Variants in TMEM50A observed in about 807,000 individuals in gnomAD.
The protein encoded by TMEM50A is transmembrane protein 50A, also known as cervical cancer oncogene 9.
TMEM50A carries 8 observed loss-of-function variants against 23.9 expected under a neutral mutation model. That is an observed-to-expected ratio of 0.33 (90% confidence interval 0.20 to 0.60). The LOEUF (loss-of-function observed/expected upper bound fraction) is 0.60, where lower values mean the gene tolerates loss of function less well. Among genes scored for constraint, TMEM50A ranks in the 20% least tolerant of loss-of-function variants. TMEM50A has a pLI of 0.81. For missense variants in TMEM50A, 178 were observed against 192.7 expected (o/e 0.92, Z 0.45); for synonymous variants, 55 against 60.4 (o/e 0.91, Z 0.41).
At position 25,345,617 on chromosome 1, in the gene TMEM50A, G is replaced by A. The variant is rs544393978; in HGVS notation, c.206+2544G>A. Among the ~76,000 whole-genome samples the A allele has an allele frequency of 1.1e-4, 16 of 150,462 alleles. 1 individual carries two copies. In the South Asian group the frequency reaches 1.7e-3, roughly 16 times the overall value. Reference sequence around the variant, plus strand: ...ATAAATTAGCCAGGCACGGTGTTGCGTGCCTGTAGTCCCAGCTACTCGGGA... The same window carrying A: ...ATAAATTAGCCAGGCACGGTGTTGCATGCCTGTAGTCCCAGCTACTCGGGA... On this transcript the variant is annotated intron_variant, in intron 3 of 6. Transcript: ENST00000374358.
At chr1:25,344,734 G>A (rs1645196867) in intron 3 of TMEM50A, among the ~76,000 whole-genome samples, 1 of 150,796 alleles carries the variant, frequency 6.6e-6, no homozygotes, top group African/African-American at 2.4e-5. Context: ...TTTTTTTTTG[G>A]TGGTTGTTGG....
chr1:25,360,561 C>T, intron 6 of TMEM50A, 99 bp from the exon 7 acceptor site: 1 of 1,334,528 alleles, frequency 7.5e-7, no homozygotes, highest in East Asian at 2.3e-5. Context: ...TACAACTCAT[C>T]AATTATTCTT....
At chr1:25,356,979 A>C in intron 6 of TMEM50A, 126 bp downstream of exon 6, 1 of 655,758 alleles carries the variant, frequency 1.5e-6, no homozygotes, top group Non-Finnish European at 2.5e-6. Context: ...TTTTCATAAA[A>C]CATGGAGAGT....
chr1:25,346,635 A>G (rs1456367789), intron 3 of TMEM50A, among the ~76,000 whole-genome samples: 1 of 152,152 alleles, frequency 6.6e-6, no homozygotes, highest in Non-Finnish European at 1.5e-5. Flanking sequence ...CCTGGTCTCA[A>G]GTGATTCTCC....
chr1:25,346,855 C>CA (rs1202332408), intron 3 of TMEM50A, among the ~76,000 whole-genome samples: 3 of 151,784 alleles, frequency 2.0e-5, no homozygotes, highest in Non-Finnish European at 4.4e-5. Context: ...CCTGTCTCTA[C>CA]AAAAAAATAC....
rs1179135841 is a variant in TMEM50A at position 25,351,164 on chromosome 1, C to CA, written c.207-444dup. ...TGGGAGACAGAGCGAGACTCCGTCT[C>CA]AAAAAAAAAAAAAAAAAAGGAGTAT... is the stretch of plus-strand genomic sequence containing the variant. On this transcript the variant is annotated intron_variant, in intron 3 of 6. Transcript: ENST00000374358. 8.1e-3 allele frequency among the ~76,000 whole-genome samples: 492 copies of CA among 60,926 alleles called. 1 individual carries two copies. Among genetic ancestry groups the CA allele is most frequent in the East Asian group, 0.018 (31 of 1,760 alleles). 40.0% of individuals were successfully genotyped at this position (60,926 alleles called of 152,430 possible).
chr1:25,344,724 T>C (rs543029654), intron 3 of TMEM50A, among the ~76,000 whole-genome samples: 1 of 149,754 alleles, frequency 6.7e-6, no homozygotes, highest in Non-Finnish European at 1.5e-5. Flanking sequence ...TTGTTTTTTG[T>C]TTTTTTTTGG....
chr1:25,356,838 C>A lies in TMEM50A; in HGVS notation c.413C>A (p.Ala138Asp). ...YPGIAVFFQN[A>D]FIFFGGLVFK... ...GGAATTGCTGTATTTTTCCAGAATG[C>A]CTTCATCTTTTTTGGGTAAGTTTGT... The change falls in exon 6 of 7, where the codon GCC (alanine) becomes GAC (aspartate). Residue 138 changes from alanine to aspartate, a missense_variant. Coordinates refer to ENST00000374358, the MANE Select transcript of TMEM50A (RefSeq NM_014313.4). 2 of 1,586,870 alleles carry A rather than the reference C, an allele frequency of 1.3e-6. No homozygotes were observed.
intron 3 of TMEM50A, among the ~76,000 whole-genome samples, chr1:25,349,414 T>C (rs1645254507): frequency 6.6e-6 from 1 of 152,202 alleles, no homozygotes; most frequent in Non-Finnish European, 1.5e-5. Context: ...GAAAACGAGC[T>C]GAGAACCAGT....
Position 25,360,845 on chromosome 1 carries a change from T to A in TMEM50A, c.*140T>A. On this transcript the variant is annotated 3_prime_UTR_variant, in exon 7 of 7. Transcript: ENST00000374358. ...AGCTTAAAGTTGTGTAATACTAAAA[T>A]CACGAGAACACCTAAACAACAACCA... 1.2e-6 allele frequency: 1 copy of A among 805,376 alleles called. No homozygotes were observed. Among genetic ancestry groups the A allele is most frequent in the Non-Finnish European group, 1.9e-6 (1 of 515,866 alleles). 49.9% of individuals were successfully genotyped at this position (805,376 alleles called of 1,614,324 possible).
At chr1:25,340,677 T>TAAA in intron 2 of TMEM50A, 98 bp downstream of exon 2, 1 of 835,570 alleles carries the variant, frequency 1.2e-6, no homozygotes, top group Non-Finnish European at 1.9e-6. Flanking sequence ...CTATTTATTT[T>TAAA]ATCTTTGACC....
intron 6 of TMEM50A, among the ~76,000 whole-genome samples, chr1:25,358,351 T>C (rs908031821): frequency 6.6e-6 from 1 of 152,206 alleles, no homozygotes; most frequent in Non-Finnish European, 1.5e-5. Context: ...TGGAAAGAGA[T>C]AGTCTGTGGC....
chr1:25,362,143 G>GACAA lies in TMEM50A; in HGVS notation c.*1439_*1440insCAAA. 1.1e-5 allele frequency: 4 copies of GACAA among 371,196 alleles called. No homozygotes were observed. Among genetic ancestry groups the GACAA allele is most frequent in the Non-Finnish European group, 2.0e-5 (4 of 198,820 alleles). 23.0% of individuals were successfully genotyped at this position (371,196 alleles called of 1,614,324 possible). On this transcript the variant is annotated 3_prime_UTR_variant, in exon 7 of 7. Coordinates refer to ENST00000374358, the MANE Select transcript of TMEM50A (RefSeq NM_014313.4). ...ATTCCCACAAGGACTAAGTATCAGT[G>GACAA]ATTTGTAATTTTCCTGTTTTGTATT...
intron 3 of TMEM50A, among the ~76,000 whole-genome samples, chr1:25,344,732 T>G (rs1645196849): frequency 6.6e-6 from 1 of 151,748 alleles, no homozygotes; most frequent in Non-Finnish European, 1.5e-5. Flanking sequence ...TGTTTTTTTT[T>G]GGTGGTTGTT....
intron 3 of TMEM50A, among the ~76,000 whole-genome samples, chr1:25,349,228 G>C (rs1331753140): frequency 6.6e-6 from 1 of 152,178 alleles, no homozygotes; most frequent in Non-Finnish European, 1.5e-5. Context: ...AATACCAGAC[G>C]TTTCAGTAAA....
At chr1:25,360,218 G>A (rs544526561) in intron 6 of TMEM50A, among the ~76,000 whole-genome samples, 5 of 152,000 alleles carry the variant, frequency 3.3e-5, no homozygotes, top group South Asian at 4.2e-4. Context: ...GTATGGTGGC[G>A]GGTGCCTGTA....
intron 4 of TMEM50A, among the ~76,000 whole-genome samples, chr1:25,352,404 G>A (rs1645283248): frequency 6.6e-6 from 1 of 151,600 alleles, no homozygotes. Context: ...CTGAGGCAGG[G>A]GAATGGCATG....
intron 3 of TMEM50A, among the ~76,000 whole-genome samples, chr1:25,345,561 C>CA (rs1645205865): frequency 6.6e-6 from 1 of 151,742 alleles, no homozygotes; most frequent in Non-Finnish European, 1.5e-5. Context: ...GCCTGGGCGA[C>CA]AGAGTGAGAC....
intron 1 of TMEM50A, among the ~76,000 whole-genome samples, chr1:25,339,979 C>T (rs1383743116): frequency 6.6e-6 from 1 of 152,136 alleles, no homozygotes; most frequent in Non-Finnish European, 1.5e-5. Flanking sequence ...CTCTGTCGCC[C>T]AGGCTGGAGT....
Sources: allele counts gnomAD v4.1 joint callset (sites outside exome capture counted in the v4.1 genomes callset), GRCh38; gene constraint gnomAD v4.1.1; transcripts MANE v1.5; gene names NCBI Gene and HGNC (gene_info 2026-07-23, HGNC 2026-07-21).